Variants in BAZ1B observed in about 807,000 individuals in gnomAD.
BAZ1B encodes the protein tyrosine-protein kinase BAZ1B.
In BAZ1B, 22 loss-of-function variants were observed where a neutral mutation model predicts 153.8. The ratio of observed to expected loss-of-function variants is 0.14; its 90% CI spans 0.10 to 0.20. The LOEUF (loss-of-function observed/expected upper bound fraction) is 0.20. Ranked by LOEUF, BAZ1B falls within the 10% of genes least tolerant of loss-of-function variation. BAZ1B has a pLI of 1.00. For synonymous variants in BAZ1B, 676 were observed against 633.4 expected, an observed-to-expected ratio of 1.07 and a Z score of -1.01; for missense variants, 1,325 against 1,799.3, an observed-to-expected ratio of 0.74 and a Z score of 4.77.
chr7:73,500,963 AAC>A (rs1790106786), intron 3 of BAZ1B, among the ~76,000 whole-genome samples: 2 of 147,414 alleles, frequency 1.4e-5, no homozygotes, highest in South Asian at 4.3e-4. Flanking sequence ...AACCAAAAAC[AAC>A]AGAGTTCAAG....
At chr7:73,486,559 C>T (rs539240826) in intron 6 of BAZ1B, among the ~76,000 whole-genome samples, 159 of 152,234 alleles carry the variant, frequency 1.0e-3, no homozygotes, top group Middle Eastern at 3.4e-3. Flanking sequence ...ATCTCCTGAC[C>T]TCGTGATCCG....
intron 6 of BAZ1B, among the ~76,000 whole-genome samples, chr7:73,486,387 C>G (rs1264809243): frequency 6.6e-6 from 1 of 152,094 alleles, no homozygotes; most frequent in Non-Finnish European, 1.5e-5. Flanking sequence ...AGTGCAGTGG[C>G]GTGATCTCGG....
chr7:73,467,562 G>T (rs971745717), intron 9 of BAZ1B, among the ~76,000 whole-genome samples: 2 of 151,968 alleles, frequency 1.3e-5, no homozygotes, highest in Non-Finnish European at 2.9e-5. Flanking sequence ...TAGAGACGGG[G>T]TTTCGCCATG....
chr7:73,474,006 G>C (rs1450513656), intron 7 of BAZ1B, among the ~76,000 whole-genome samples: 1 of 152,122 alleles, frequency 6.6e-6, no homozygotes, highest in African/African-American at 2.4e-5. Context: ...GAACAAGCTG[G>C]AAGATCAACA....
intron 13 of BAZ1B, among the ~76,000 whole-genome samples, chr7:73,451,994 C>T (rs1554568337): frequency 1.3e-5 from 2 of 152,214 alleles, no homozygotes; most frequent in East Asian, 1.9e-4. Flanking sequence ...TGGACATTCA[C>T]ATGTAGTGCA....
chr7:73,452,430 T>C (rs1188475021), intron 13 of BAZ1B, among the ~76,000 whole-genome samples: 1 of 152,128 alleles, frequency 6.6e-6, no homozygotes, highest in Non-Finnish European at 1.5e-5. Flanking sequence ...GGTGCAAAAG[T>C]GATACACGTT....
At position 73,459,528 on chromosome 7, in the gene BAZ1B, C is replaced by T; in HGVS notation, c.3432+8G>A. On this transcript the variant is annotated splice_region_variant and intron_variant, in intron 13 of 19. Transcript: ENST00000339594. ...AATCATAAACTACAACTTATAACAA[C>T]AAAATACCTTTGCTTCCTCTACCAT... 6.2e-7 allele frequency: 1 copy of T among 1,610,430 alleles called. No homozygotes were observed. Among genetic ancestry groups the T allele is most frequent in the Non-Finnish European group, 8.5e-7 (1 of 1,178,926 alleles).
At position 73,440,713 on chromosome 7, in the gene BAZ1B, G is replaced by C. The variant is rs1787580502; in HGVS notation, c.*996C>G. The C allele has an allele frequency of 6.6e-6, 1 of 152,470 alleles. No homozygotes were observed. The allele number at this position is 152,470 out of a possible 1,614,324, so 9.4% of individuals were successfully genotyped here. ...AGCAATCCTCGTCGTCCTTGGGCAG[G>C]AGGACGGAGGAAGCAGAGGCCACAT... On this transcript the variant is annotated 3_prime_UTR_variant, in exon 20 of 20. Coordinates refer to ENST00000339594, the MANE Select transcript of BAZ1B (RefSeq NM_032408.4).
intron 12 of BAZ1B, among the ~76,000 whole-genome samples, chr7:73,459,921 G>A (rs1309803703): frequency 1.3e-5 from 2 of 152,174 alleles, no homozygotes; most frequent in South Asian, 2.1e-4. Flanking sequence ...CTGGCCGGGT[G>A]CAGTGGCTCA....
At chr7:73,467,298 C>T (rs1161793186) in intron 9 of BAZ1B, among the ~76,000 whole-genome samples, 2 of 152,152 alleles carry the variant, frequency 1.3e-5, no homozygotes, top group Non-Finnish European at 2.9e-5. Context: ...CCATTCTCCC[C>T]ACTTTAACCT....
At chr7:73,491,772 A>C (rs1554575496) in intron 5 of BAZ1B, among the ~76,000 whole-genome samples, 1 of 152,172 alleles carries the variant, frequency 6.6e-6, no homozygotes, top group Admixed American at 6.6e-5. Flanking sequence ...TCCCATTTTC[A>C]TTTACTGAAT....
chr7:73,462,298 A>G (rs919517931), intron 12 of BAZ1B, among the ~76,000 whole-genome samples: 1 of 152,156 alleles, frequency 6.6e-6, no homozygotes, highest in African/African-American at 2.4e-5. Flanking sequence ...ACCCACAAAT[A>G]TTAATATGTC....
chr7:73,496,130 A>G (rs1789874234), intron 4 of BAZ1B, among the ~76,000 whole-genome samples: 1 of 152,222 alleles, frequency 6.6e-6, no homozygotes, highest in African/African-American at 2.4e-5. Flanking sequence ...AGGAATATAG[A>G]GGCAGAAGTA....
intron 5 of BAZ1B, 124 bp downstream of exon 5, chr7:73,492,676 C>A (rs1789699445): frequency 2.1e-6 from 2 of 959,826 alleles, no homozygotes; most frequent in South Asian, 2.0e-5. Flanking sequence ...AACTACAAAA[C>A]CACTCAGAAT....
intron 13 of BAZ1B, among the ~76,000 whole-genome samples, chr7:73,458,118 G>A (rs111667536): frequency 5.3e-5 from 8 of 152,298 alleles, no homozygotes; most frequent in South Asian, 2.1e-4. Context: ...TGGGGCTTGC[G>A]ACTGGCATCT....
chr7:73,481,590 G>A (rs1177875600), intron 6 of BAZ1B, among the ~76,000 whole-genome samples: 4 of 150,900 alleles, frequency 2.7e-5, no homozygotes, highest in Non-Finnish European at 4.4e-5. Context: ...ATGGCTACAC[G>A]CAGAGGAAAA....
chr7:73,479,941 G>A (rs781801779), intron 6 of BAZ1B, among the ~76,000 whole-genome samples: 2 of 152,012 alleles, frequency 1.3e-5, no homozygotes, highest in Admixed American at 1.3e-4. Flanking sequence ...AGGCCAAGGC[G>A]GGCTGATCAC....
At chr7:73,504,948 G>C (rs782206234) in intron 3 of BAZ1B, among the ~76,000 whole-genome samples, 10 of 152,134 alleles carry the variant, frequency 6.6e-5, no homozygotes, top group African/African-American at 9.7e-5. Context: ...GAAAGAACAA[G>C]AACTTTGAAA....
At chr7:73,488,714 C>CAAAAAAAAA (rs35812071) in intron 6 of BAZ1B, among the ~76,000 whole-genome samples, 4 of 59,254 alleles carry the variant, frequency 6.8e-5, no homozygotes, top group Non-Finnish European at 7.0e-5. Context: ...GACTCCAACT[C>CAAAAAAAAA]AAAAAAAAAA....
Sources: gnomAD v4.1 joint callset for allele counts (sites outside exome capture counted in the v4.1 genomes callset) on GRCh38, gnomAD v4.1.1 for gene constraint, MANE v1.5 for transcripts, NCBI Gene and HGNC (gene_info 2026-07-23, HGNC 2026-07-21) for gene names.